The following PKP4 variants were observed in gnomAD, a reference collection of about 807,000 sequenced individuals.
PKP4 encodes the protein plakophilin-4.
Under a neutral mutation model 145.1 loss-of-function variants are expected in PKP4, and 90 were observed. That is an observed-to-expected ratio of 0.62 (90% CI 0.52 to 0.74). The LOEUF is 0.74. Among genes scored for constraint, PKP4 ranks in the 30% least tolerant of loss-of-function variants. PKP4 has a pLI of 0.00. For synonymous variants in PKP4, 563 were observed against 577.2 expected, an observed-to-expected ratio of 0.98 and a Z score of 0.35; for missense variants, 1,340 against 1,482.7, an observed-to-expected ratio of 0.90 and a Z score of 1.58.
intron 2 of PKP4, among the ~76,000 whole-genome samples, chr2:158,550,670 A>G (rs1324438397): frequency 6.6e-6 from 1 of 152,210 alleles, no homozygotes; most frequent in Non-Finnish European, 1.5e-5. Flanking sequence ...GACTTAATGG[A>G]GAATTCCTGC....
At chr2:158,652,150 C>A (rs992663810) in intron 11 of PKP4, among the ~76,000 whole-genome samples, 3 of 152,218 alleles carry the variant, frequency 2.0e-5, no homozygotes, top group Non-Finnish European at 4.4e-5. Context: ...ATTTCAACTT[C>A]TAAGAAATAT....
At chr2:158,469,396 G>A (rs1445098973) in intron 1 of PKP4, among the ~76,000 whole-genome samples, 1 of 152,062 alleles carries the variant, frequency 6.6e-6, no homozygotes, top group Non-Finnish European at 1.5e-5. Flanking sequence ...GGCCAGAAAA[G>A]ACATTTTCTA....
At chr2:158,528,669 GA>G (rs59566011) in intron 1 of PKP4, among the ~76,000 whole-genome samples, 20,227 of 85,754 alleles carry the variant, frequency 0.24, 2,173 homozygotes, top group Middle Eastern at 0.41. Flanking sequence ...CTTACTAAAT[GA>G]AAAAAAAAAA....
chr2:158,634,323 A>G (rs199612359), intron 9 of PKP4, 34 bp downstream of exon 9: 12 of 1,561,262 alleles, frequency 7.7e-6, no homozygotes, highest in Non-Finnish European at 9.7e-6. Flanking sequence ...AGAAGGCTAC[A>G]GTATTGCAGG....
intron 2 of PKP4, among the ~76,000 whole-genome samples, chr2:158,555,192 T>C (rs1012379708): frequency 1.3e-5 from 2 of 152,224 alleles, no homozygotes; most frequent in Non-Finnish European, 2.9e-5. Context: ...ACCAGTCTTA[T>C]GTAAATTATG....
intron 11 of PKP4, among the ~76,000 whole-genome samples, chr2:158,643,723 A>AAAAAG (rs2054544950): frequency 7.1e-6 from 1 of 141,834 alleles, no homozygotes; most frequent in Admixed American, 7.2e-5. Context: ...AAAAAAAAAA[A>AAAAAG]AAAAAGAAAA....
rs935111660 is a variant in PKP4, at chr2:158,582,175, T to C, written c.245+4792T>C. The stretch of plus-strand genomic sequence containing the variant: ...CAGGTAATATTATCTGTGTATTTAA[T>C]ATTTTACTCATTGAAGTTTGGTTTT... On this transcript the variant is annotated intron_variant, in intron 3 of 21. Transcript: ENST00000389759. 3.3e-5 allele frequency among the ~76,000 whole-genome samples: 5 copies of C among 152,240 alleles called. No homozygotes were observed. The South Asian group carries it at 1.0e-3, about 31-fold the overall frequency.
intron 1 of PKP4, among the ~76,000 whole-genome samples, chr2:158,462,063 C>T (rs1365997056): frequency 2.0e-5 from 3 of 152,060 alleles, no homozygotes; most frequent in Non-Finnish European, 1.5e-5. Context: ...GGGCCTGGCC[C>T]GAAACTTGGA....
At chr2:158,673,617 C>T (rs1288347220) in intron 17 of PKP4, 60 bp from the exon 18 acceptor site, 3 of 1,266,488 alleles carry the variant, frequency 2.4e-6, no homozygotes, top group Non-Finnish European at 3.5e-6. Flanking sequence ...TCCTGCACCC[C>T]TCTGAGTGGG....
Position 158,460,323 on chromosome 2 carries a change from A to G in PKP4, c.-6+3105A>G, listed in dbSNP as rs72931475. Among the ~76,000 whole-genome samples, 1,142 of 152,356 alleles carry G rather than the reference A, an allele frequency of 7.5e-3. 8 individuals are homozygous for G. Among genetic ancestry groups the G allele is most frequent in the Non-Finnish European group, 0.012 (844 of 68,034 alleles). ...CCAAATTCAGTTTAATAAAAATTTT[A>G]GCATTTCTATGACCTTGAGTATTTG... On this transcript the variant is annotated intron_variant, in intron 1 of 21. Coordinates refer to ENST00000389759, the MANE Select transcript of PKP4 (RefSeq NM_003628.6).
intron 1 of PKP4, among the ~76,000 whole-genome samples, chr2:158,523,137 A>G (rs939073443): frequency 1.3e-5 from 2 of 152,166 alleles, no homozygotes; most frequent in African/African-American, 2.4e-5. Context: ...CCACAGCTCA[A>G]GGAGGCCTGC....
intron 19 of PKP4, 34 bp from the exon 20 acceptor site, chr2:158,676,705 C>T: frequency 1.2e-6 from 2 of 1,613,150 alleles, no homozygotes; most frequent in East Asian, 2.2e-5. Flanking sequence ...CTCTTTCTAC[C>T]CCTCTTTCTC....
chr2:158,588,837 A>G (rs1383721384), intron 3 of PKP4: 1 of 152,000 alleles, frequency 6.6e-6, no homozygotes, highest in Non-Finnish European at 1.5e-5. Flanking sequence ...AATATTTATG[A>G]TGTCTTTTCT....
chr2:158,672,228 C>T (rs1261040469), intron 17 of PKP4, among the ~76,000 whole-genome samples: 3 of 152,154 alleles, frequency 2.0e-5, no homozygotes, highest in African/African-American at 7.2e-5. Flanking sequence ...TATGGAGGTC[C>T]TATATTTAAG....
intron 2 of PKP4, among the ~76,000 whole-genome samples, chr2:158,560,907 T>A (rs971457149): frequency 1.3e-5 from 2 of 152,212 alleles, no homozygotes; most frequent in Non-Finnish European, 2.9e-5. Flanking sequence ...AATCCTATAA[T>A]CCTTCCATAT....
intron 1 of PKP4, among the ~76,000 whole-genome samples, chr2:158,501,189 G>A (rs1211828654): frequency 2.6e-5 from 4 of 152,102 alleles, no homozygotes; most frequent in Non-Finnish European, 4.4e-5. Flanking sequence ...CTGGGTTGTA[G>A]CCTCCAGTGG....
rs527987946 is a variant in PKP4, at chr2:158,617,243, A to G, written c.281-3747A>G. Among the ~76,000 whole-genome samples the G allele has an allele frequency of 5.9e-5, 9 of 152,338 alleles. No individual in the cohort carries two copies. The East Asian group carries it at 1.7e-3, about 29-fold the overall frequency. On this transcript the variant is annotated intron_variant, in intron 4 of 21. Transcript: ENST00000389759. Reference sequence around the variant, plus strand: ...TTGTTCAATTTCTGTATTTTTAGACATACATTTTCGAAGATGCTAATTTGA... The same window carrying G: ...TTGTTCAATTTCTGTATTTTTAGACGTACATTTTCGAAGATGCTAATTTGA...
At chr2:158,672,127 T>C (rs911756733) in intron 17 of PKP4, among the ~76,000 whole-genome samples, 1 of 152,204 alleles carries the variant, frequency 6.6e-6, no homozygotes, top group Non-Finnish European at 1.5e-5. Flanking sequence ...TCTGCACTTA[T>C]CCGTGAAGCT....
chr2:158,530,844 A>C (rs916499053), intron 1 of PKP4, among the ~76,000 whole-genome samples: 1 of 152,094 alleles, frequency 6.6e-6, no homozygotes, highest in African/African-American at 2.4e-5. Context: ...ATCAGAATAG[A>C]TATCATCCAT....
Sources: gnomAD v4.1 joint callset for allele counts (sites outside exome capture counted in the v4.1 genomes callset) on GRCh38, gnomAD v4.1.1 for gene constraint, MANE v1.5 for transcripts, NCBI Gene and HGNC (gene_info 2026-07-23, HGNC 2026-07-21) for gene names.